The following TBC1D32 variants were observed in gnomAD, a reference collection of about 807,000 sequenced individuals.
The protein encoded by TBC1D32 is TBC1 domain family member 32, also known as protein broad-minded.
In TBC1D32, 151 loss-of-function variants were observed where a neutral mutation model predicts 170.3. That is an observed-to-expected ratio of 0.89 (90% CI 0.78 to 1.01). The LOEUF is 1.01. Ranked by LOEUF, TBC1D32 falls within the 50% of genes least tolerant of loss-of-function variation. The probability of loss-of-function intolerance (pLI) is 0.00; values close to 1 mark genes in which losing one functional copy is unlikely to be tolerated. For synonymous variants in TBC1D32, 498 were observed against 488.0 expected (o/e 1.02, Z -0.27); for missense variants, 1,464 against 1,457.1 (o/e 1.00, Z -0.08).
intron 22 of TBC1D32, among the ~76,000 whole-genome samples, chr6:121,202,783 T>C (rs1791754952): frequency 6.6e-6 from 1 of 151,256 alleles, no homozygotes; most frequent in Non-Finnish European, 1.5e-5. Flanking sequence ...AGCACCCTTC[T>C]TGAGTATTAG....
chr6:121,168,977 A>C (rs1251851058), intron 22 of TBC1D32, among the ~76,000 whole-genome samples: 1 of 152,216 alleles, frequency 6.6e-6, no homozygotes, highest in Non-Finnish European at 1.5e-5. Flanking sequence ...CAGTATTGAG[A>C]AAATGACCAT....
intron 24 of TBC1D32, among the ~76,000 whole-genome samples, chr6:121,152,218 T>G (rs1784312739): frequency 6.6e-6 from 1 of 152,146 alleles, no homozygotes; most frequent in Admixed American, 6.5e-5. Context: ...TCCCTCAGCA[T>G]TTGTTTGTCT....
At chr6:121,306,965 C>T (rs1807409715) in intron 5 of TBC1D32, among the ~76,000 whole-genome samples, 1 of 152,108 alleles carries the variant, frequency 6.6e-6, no homozygotes, top group Admixed American at 6.5e-5. Context: ...TTTATAAGCC[C>T]TTTCGAATAA....
intron 13 of TBC1D32, among the ~76,000 whole-genome samples, chr6:121,283,297 A>C (rs1248323589): frequency 6.6e-6 from 1 of 151,908 alleles, no homozygotes; most frequent in East Asian, 1.9e-4. Flanking sequence ...GAAAAATATA[A>C]GTTATTTAGA....
chr6:121,104,947 A>G (rs1359782616), intron 30 of TBC1D32, among the ~76,000 whole-genome samples: 2 of 151,868 alleles, frequency 1.3e-5, no homozygotes, highest in Non-Finnish European at 2.9e-5. Context: ...ATACAGAAAT[A>G]GTTAATTAAC....
intron 3 of TBC1D32, among the ~76,000 whole-genome samples, chr6:121,313,298 C>T (rs375611344): frequency 5.8e-5 from 8 of 138,148 alleles, no homozygotes; most frequent in African/African-American, 2.0e-4. Context: ...TTTTTTGAGA[C>T]GGCATCTCAC....
intron 17 of TBC1D32, among the ~76,000 whole-genome samples, chr6:121,254,645 C>A (rs77722883): frequency 0.019 from 2,874 of 152,002 alleles, 34 homozygotes; most frequent in South Asian, 0.042. Context: ...TTAAACTATA[C>A]CTACCTTAAA....
rs1444470940 is a variant in TBC1D32 at position 121,308,018 on chromosome 6, T to G, written c.648A>C (p.Glu216Asp). ...GATCTGAAAGAGACACGGTCAGTTT[T>G]TCGCAGAGAGTAGTCCAATTTTCAC... is the stretch of plus-strand genomic sequence containing the variant. Reference protein sequence around the residue: ...LNCENWTTLCEKLTVSLSDPD... With the variant: ...LNCENWTTLCDKLTVSLSDPD... Residue 216 changes from glutamate to aspartate, a missense_variant, in exon 5 of 32, where the codon GAA becomes GAC. Physicochemically the swap from Glu to Asp is conservative, Grantham distance 45. This residue lies in a region of TBC1D32 where 1,363 missense variants were observed against 1,338.1 expected (regional missense o/e 1.02). Transcript: ENST00000398212. The G allele has an allele frequency of 1.2e-6, 2 of 1,613,950 alleles. No homozygotes were observed. Among genetic ancestry groups the G allele is most frequent in the South Asian group, 2.2e-5 (2 of 91,058 alleles).
chr6:121,256,230 T>A lies in TBC1D32; in HGVS notation c.1789A>T (p.Ile597Phe), dbSNP rs770514713. The A allele has an allele frequency of 6.8e-6, 11 of 1,613,582 alleles. No individual in the cohort carries two copies. The highest frequency in any genetic ancestry group is 2.7e-5 in the African/African-American group (2 of 74,900). Reference sequence around the variant, plus strand: ...ATTTCTGATCCAGAAAATATAGAAATATCTTCATCGAGAAGTTTTTTCGAA... The same window carrying A: ...ATTTCTGATCCAGAAAATATAGAAAAATCTTCATCGAGAAGTTTTTTCGAA... ...QFSKKLLDED[I>F]SIFSGSEMLP... Residue 597 changes from isoleucine (I) to phenylalanine (F), a missense_variant, in exon 16 of 32, where the codon ATT becomes TTT. Coordinates refer to ENST00000398212, the MANE Select transcript of TBC1D32 (RefSeq NM_152730.6).
At chr6:121,162,764 G>A (rs563360711) in intron 22 of TBC1D32, among the ~76,000 whole-genome samples, 72 of 147,334 alleles carry the variant, frequency 4.9e-4, no homozygotes, top group African/African-American at 1.2e-3. Context: ...AGCTCCCAGC[G>A]TGAGCGACGC....
At chr6:121,217,999 T>G (rs183964850) in intron 21 of TBC1D32, among the ~76,000 whole-genome samples, 21 of 152,266 alleles carry the variant, frequency 1.4e-4, no homozygotes, top group Admixed American at 1.2e-3. Flanking sequence ...GAGAAAACAT[T>G]ACATTCAGTT....
intron 24 of TBC1D32, among the ~76,000 whole-genome samples, chr6:121,134,870 T>G (rs575227922): frequency 6.6e-6 from 1 of 152,264 alleles, no homozygotes; most frequent in African/African-American, 2.4e-5. Context: ...TAAGCATCAT[T>G]GCTTGCATCT....
intron 3 of TBC1D32, among the ~76,000 whole-genome samples, chr6:121,311,632 G>A (rs1327189947): frequency 6.6e-6 from 1 of 151,756 alleles, no homozygotes; most frequent in African/African-American, 2.4e-5. Context: ...GGAGGCCGAG[G>A]CAGGAGAATC....
rs138991699 is a variant in TBC1D32, at chr6:121,290,001, A to C, written c.1372+2052T>G. Among the ~76,000 whole-genome samples, 1,158 of 152,318 alleles carry C rather than the reference A, an allele frequency of 7.6e-3. 18 individuals carry two copies. Among genetic ancestry groups the C allele is most frequent in the African/African-American group, 0.027 (1,110 of 41,556 alleles). On this transcript the variant is annotated intron_variant, in intron 12 of 31. Transcript: ENST00000398212. ...TACACCTTATACAAAAATTAATTCAAGGTGGATTAAAGACTTAAATATTAG... is the reference window on the plus strand; with the variant it reads ...TACACCTTATACAAAAATTAATTCACGGTGGATTAAAGACTTAAATATTAG...
chr6:121,265,098 CA>C (rs1216280186), intron 15 of TBC1D32, among the ~76,000 whole-genome samples: 2 of 152,070 alleles, frequency 1.3e-5, no homozygotes, highest in African/African-American at 4.8e-5. Flanking sequence ...AAAGGGTATT[CA>C]AATAGGAAGA....
At chr6:121,304,500 G>A in intron 7 of TBC1D32, 22 bp downstream of exon 7, 2 of 1,600,776 alleles carry the variant, frequency 1.2e-6, no homozygotes, top group Non-Finnish European at 1.7e-6. Flanking sequence ...AAAAATGAAA[G>A]CATATTGTAG....
intron 22 of TBC1D32, among the ~76,000 whole-genome samples, chr6:121,191,829 G>T (rs1790085608): frequency 6.6e-6 from 1 of 151,966 alleles, no homozygotes; most frequent in Non-Finnish European, 1.5e-5. Flanking sequence ...AATCTGGTGG[G>T]CACCATCTAA....
chr6:121,172,761 T>G (rs1787224951), intron 22 of TBC1D32, among the ~76,000 whole-genome samples: 1 of 152,236 alleles, frequency 6.6e-6, no homozygotes, highest in Admixed American at 6.5e-5. Context: ...TTCATTTTAT[T>G]TCCTTTCTCC....
At chr6:121,198,442 A>G (rs1015847352) in intron 22 of TBC1D32, among the ~76,000 whole-genome samples, 4 of 150,264 alleles carry the variant, frequency 2.7e-5, no homozygotes, top group Non-Finnish European at 5.9e-5. Flanking sequence ...GGACATACAG[A>G]TATAGGGGTA....
Sources: allele counts gnomAD v4.1 joint callset (sites outside exome capture counted in the v4.1 genomes callset), GRCh38; gene constraint gnomAD v4.1.1; regional missense constraint gnomAD v4.1.1; transcripts MANE v1.5; gene names NCBI Gene and HGNC (gene_info 2026-07-23, HGNC 2026-07-21).